Variants in PKHD1L1 observed in about 807,000 individuals in gnomAD.
The protein encoded by PKHD1L1 is PKHD1 like 1, also known as fibrocystin-L.
Under a neutral mutation model 462.9 loss-of-function variants are expected in PKHD1L1, and 434 were observed. That is an observed-to-expected ratio of 0.94 (90% CI 0.87 to 1.02). The LOEUF is 1.02. Among genes scored for constraint, PKHD1L1 ranks in the 50% least tolerant of loss-of-function variants. The pLI, the probability that PKHD1L1 is intolerant of heterozygous loss-of-function variation, is 0.00. For synonymous variants in PKHD1L1, 1,781 were observed against 1,750.0 expected, an observed-to-expected ratio of 1.02 and a Z score of -0.44; for missense variants, 5,202 against 5,096.1, an observed-to-expected ratio of 1.02 and a Z score of -0.63.
At position 109,450,855 on chromosome 8, in the gene PKHD1L1, A is replaced by G. The variant is rs912699905; in HGVS notation, c.6176-120A>G. On this transcript the variant is annotated intron_variant, in intron 40 of 77. Transcript: ENST00000378402. ...ACTATTATTCACATGTAGCCTAGGT[A>G]TATTGGAAAAGGAAGATGATTGTGT... is the stretch of plus-strand genomic sequence containing the variant. 9.4e-6 allele frequency: 9 copies of G among 961,628 alleles called. No homozygotes were observed. The African/African-American group carries it at 9.8e-5, about 11-fold the overall frequency. 59.6% of individuals were successfully genotyped at this position (961,628 alleles called of 1,614,324 possible). A position where few individuals can be genotyped will look rare whatever the true frequency, so the allele number is the denominator to read the frequency against.
chr8:109,437,863 A>G (rs7816624), intron 30 of PKHD1L1, among the ~76,000 whole-genome samples: 25,887 of 152,042 alleles, frequency 0.17, 2,389 homozygotes, highest in South Asian at 0.27. Context: ...AAAAGCATCA[A>G]ATAGTTTTCT....
intron 67 of PKHD1L1, among the ~76,000 whole-genome samples, chr8:109,500,520 C>CAAA (rs542817713): frequency 2.3e-5 from 1 of 43,700 alleles, no homozygotes; most frequent in African/African-American, 7.2e-5. Flanking sequence ...ACTAAAAATA[C>CAAA]AAAAAAAAAA....
Position 109,435,224 on chromosome 8 carries a change from T to C in PKHD1L1, c.3375T>C (p.Ser1125=), listed in dbSNP as rs766782968. 6 of 1,613,792 alleles carry C rather than the reference T, an allele frequency of 3.7e-6. No homozygotes were observed. The East Asian group carries it at 1.1e-4, about 30-fold the overall frequency. Residue 1125 remains serine, a synonymous_variant, in exon 29 of 78, where the codon AGT becomes AGC. Coordinates refer to ENST00000378402, the MANE Select transcript of PKHD1L1 (RefSeq NM_177531.6). ...KELKCQILNG[S]AGHAPVAVSM... Reference sequence around the variant, plus strand: ...TCAAGTGCCAGATTCTGAATGGAAGTGCTGGACATGCCCCCGTTGCTGTGT... The same window carrying C: ...TCAAGTGCCAGATTCTGAATGGAAGCGCTGGACATGCCCCCGTTGCTGTGT...
chr8:109,418,308 G>T (rs546713870), intron 21 of PKHD1L1, among the ~76,000 whole-genome samples: 1 of 152,112 alleles, frequency 6.6e-6, no homozygotes, highest in East Asian at 1.9e-4. Context: ...GATATGTGTA[G>T]TCTAATCTTT....
intron 33 of PKHD1L1, 112 bp from the exon 34 acceptor site, chr8:109,441,162 GT>G (rs980784999): frequency 1.3e-4 from 99 of 745,012 alleles, no homozygotes; most frequent in Middle Eastern, 5.4e-4. Flanking sequence ...ATAAGGCAGA[GT>G]TTTTTTTAGG....
chr8:109,498,087 C>CTTTT lies in PKHD1L1; in HGVS notation c.10600-353_10600-350dup, dbSNP rs71305953. On this transcript the variant is annotated intron_variant, in intron 65 of 77. Transcript: ENST00000378402. ...TTAGTACTATTCATTATCATGTTTT[C>CTTTT]TTTTTTTTTTTTTTTTTTTTTTTTT... Among the ~76,000 whole-genome samples the CTTTT allele has an allele frequency of 1.5e-3, 87 of 58,974 alleles. 1 individual carries two copies. The highest frequency in any genetic ancestry group is 1.6e-3 in the Non-Finnish European group (53 of 33,366). 38.7% of individuals were successfully genotyped at this position (58,974 alleles called of 152,430 possible).
intron 47 of PKHD1L1, among the ~76,000 whole-genome samples, chr8:109,460,522 T>C (rs1217331355): frequency 6.6e-6 from 1 of 152,146 alleles, no homozygotes; most frequent in Non-Finnish European, 1.5e-5. Context: ...TTGGCCCAGA[T>C]AATTCTCTGC....
rs1338813070 is a variant in PKHD1L1, at chr8:109,452,381, A to G, written c.6507+101A>G. 10 of 1,106,218 alleles carry G rather than the reference A, an allele frequency of 9.0e-6. No individual in the cohort carries two copies. In the East Asian group the frequency reaches 2.8e-4, roughly 31 times the overall value. 68.5% of individuals were successfully genotyped at this position (1,106,218 alleles called of 1,614,324 possible). ...TTGTTTTACTTTAATGTCTCCAAAA[A>G]AATAACTGAGCTGTGACCATAATAA... is the stretch of plus-strand genomic sequence containing the variant. On this transcript the variant is annotated intron_variant, in intron 42 of 77. Coordinates refer to ENST00000378402, the MANE Select transcript of PKHD1L1 (RefSeq NM_177531.6).
At position 109,408,176 on chromosome 8, in the gene PKHD1L1, G is replaced by A. The variant is rs1253949006; in HGVS notation, c.1941G>A (p.Lys647=). The A allele has an allele frequency of 6.2e-7, 1 of 1,612,650 alleles. No homozygotes were observed. Among genetic ancestry groups the A allele is most frequent in the Admixed American group, 1.7e-5 (1 of 59,944 alleles). ...FTLNWDGIAS[K]PLTLWSSEAE... Reference sequence around the variant, plus strand: ...TGAATTGGGATGGGATCGCTTCTAAGCCACTCACTCTATGGTCATCAGAAG... The same window carrying A: ...TGAATTGGGATGGGATCGCTTCTAAACCACTCACTCTATGGTCATCAGAAG... Residue 647 remains lysine (K), a synonymous_variant, in exon 18 of 78, where the codon AAG becomes AAA. Transcript: ENST00000378402.
chr8:109,454,876 G>T, intron 45 of PKHD1L1, 24 bp downstream of exon 45: 9 of 1,599,480 alleles, frequency 5.6e-6, no homozygotes, highest in Non-Finnish European at 7.7e-6. Context: ...GTGGCTAAGG[G>T]AGTTGGTAGA....
chr8:109,504,050 ATC>A (rs2130963732), intron 67 of PKHD1L1, among the ~76,000 whole-genome samples: 1 of 152,294 alleles, frequency 6.6e-6, no homozygotes, highest in South Asian at 2.1e-4. Context: ...CACTCTCCAG[ATC>A]TCTGTTTATG....
chr8:109,419,470 T>A (rs59713489), intron 22 of PKHD1L1, among the ~76,000 whole-genome samples: 3,296 of 152,292 alleles, frequency 0.022, 108 homozygotes, highest in African/African-American at 0.075. Context: ...ATGAAAACTT[T>A]CTCACAATAG....
Position 109,532,068 on chromosome 8 carries a change from C to T in PKHD1L1, c.*1978C>T, listed in dbSNP as rs558222726. ...TACAAAAATATTCTTCACACCAGAA[C>T]ATTGTAAAAGCCATAAAATTGTCCA... On this transcript the variant is annotated 3_prime_UTR_variant, in exon 78 of 78. Coordinates refer to ENST00000378402, the MANE Select transcript of PKHD1L1 (RefSeq NM_177531.6). Among the ~76,000 whole-genome samples the T allele has an allele frequency of 6.6e-6, 1 of 152,332 alleles. No homozygotes were observed. The highest frequency in any genetic ancestry group is 2.4e-5 in the African/African-American group (1 of 41,570).
At chr8:109,395,222 C>T (rs1812910529) in intron 10 of PKHD1L1, among the ~76,000 whole-genome samples, 1 of 152,176 alleles carries the variant, frequency 6.6e-6, no homozygotes, top group Non-Finnish European at 1.5e-5. Context: ...GAGATTTATG[C>T]TCTCAGTGTG....
At chr8:109,426,153 T>A (rs889545448) in intron 24 of PKHD1L1, among the ~76,000 whole-genome samples, 5 of 152,166 alleles carry the variant, frequency 3.3e-5, no homozygotes, top group Admixed American at 6.5e-5. Flanking sequence ...ACTACACTGG[T>A]GACATTCTCA....
intron 14 of PKHD1L1, among the ~76,000 whole-genome samples, chr8:109,404,232 T>C (rs922679930): frequency 4.6e-5 from 7 of 152,194 alleles, no homozygotes; most frequent in Admixed American, 1.3e-4. Flanking sequence ...GTCTGTGTTA[T>C]ATACCAGGGA....
intron 6 of PKHD1L1, 75 bp from the exon 7 acceptor site, chr8:109,388,422 T>A: frequency 9.6e-7 from 1 of 1,045,128 alleles, no homozygotes; most frequent in East Asian, 2.6e-5. Flanking sequence ...AACCAGTGAG[T>A]TGATGGGAGG....
chr8:109,389,110 G>A lies in PKHD1L1; in HGVS notation c.655G>A (p.Asp219Asn). Reference protein sequence around the residue: ...YGLKLDHPNGDMGSMVCKTTG... With the variant: ...YGLKLDHPNGNMGSMVCKTTG... ...TCTAAAACTGGATCATCCAAATGGA[G>A]ATATGGGTTCTATGGTTTGTAAGAC... The change falls in exon 8 of 78, where the codon GAT becomes AAT. Residue 219 changes from aspartate (D) to asparagine (N), a missense_variant. Physicochemically the swap from Asp to Asn is conservative, Grantham distance 23. Transcript: ENST00000378402. 1 of 1,610,906 alleles carries A rather than the reference G, an allele frequency of 6.2e-7. No individual in the cohort carries two copies. Among genetic ancestry groups the A allele is most frequent in the African/African-American group, 1.3e-5 (1 of 74,872 alleles).
chr8:109,376,530 C>T (rs928869295), intron 2 of PKHD1L1, among the ~76,000 whole-genome samples: 1 of 152,192 alleles, frequency 6.6e-6, no homozygotes, highest in Admixed American at 6.5e-5. Flanking sequence ...CCGGCACTCC[C>T]CAGTGAGATG....
Sources: allele counts gnomAD v4.1 joint callset (sites outside exome capture counted in the v4.1 genomes callset), GRCh38; gene constraint gnomAD v4.1.1; transcripts MANE v1.5; gene names NCBI Gene and HGNC (gene_info 2026-07-23, HGNC 2026-07-21).